The following UBIAD1 variants were observed in gnomAD, a reference collection of about 807,000 sequenced individuals.
UBIAD1 encodes the protein UbiA prenyltransferase domain containing 1, also known as ubiA prenyltransferase domain-containing protein 1.
Under a neutral mutation model 20.1 loss-of-function variants are expected in UBIAD1, and 12 were observed. That is an observed-to-expected ratio of 0.60 (90% CI 0.38 to 0.97). UBIAD1 has a LOEUF of 0.97. UBIAD1 is among the 50% of genes least tolerant of loss of function. The pLI, the probability that UBIAD1 is intolerant of heterozygous loss-of-function variation, is 0.00. For missense variants in UBIAD1, 333 were observed against 419.5 expected (o/e 0.79, Z 1.80); for synonymous variants, 207 against 189.2 (o/e 1.09, Z -0.77).
downstream of UBIAD1, among the ~76,000 whole-genome samples, chr1:11,298,445 T>C (rs907536933): frequency 6.6e-6 from 1 of 151,936 alleles, no homozygotes; most frequent in Non-Finnish European, 1.5e-5. The surrounding 1 kb of genome is among the most constrained non-coding windows in gnomAD (Gnocchi z 4.0). Flanking sequence ...GCACATATTG[T>C]AATCCCAGCT....
chr1:11,273,279 G>T lies in UBIAD1; in HGVS notation c.-253G>T, dbSNP rs985800262. ...AGAAGGCGGCCGCGGCTCAGCCGTG[G>T]GCTCTAACGCGGGGCTGGGGGCCGG... On this transcript the variant is annotated 5_prime_UTR_variant, in exon 1 of 2. Coordinates refer to ENST00000376810, the MANE Select transcript of UBIAD1 (RefSeq NM_013319.3). This position sits in a 1 kb window ranked among gnomAD's most constrained non-coding sequence, Gnocchi z 4.9. 1 of 552,396 alleles carries T rather than the reference G, an allele frequency of 1.8e-6. No individual in the cohort carries two copies. The highest frequency in any genetic ancestry group is 3.3e-6 in the Non-Finnish European group (1 of 307,396). The allele number at this position is 552,396 out of a possible 1,614,324, so 34.2% of individuals were successfully genotyped here.
downstream of UBIAD1, chr1:11,293,318 T>TG (rs1354116251): frequency 6.6e-6 from 1 of 152,248 alleles, no homozygotes; most frequent in African/African-American, 2.4e-5. Flanking sequence ...GGCTTAGAAT[T>TG]GCCTCCCATT....
Position 11,285,870 on chromosome 1 carries a change from C to T in UBIAD1, c.756C>T (p.Ile252=), listed in dbSNP as rs752925011. The T allele has an allele frequency of 7.4e-6, 12 of 1,614,098 alleles. No individual in the cohort carries two copies. The highest frequency in any genetic ancestry group is 2.2e-5 in the East Asian group (1 of 44,900). The part of the protein sequence containing the change: ...EAGIVTLAIL[I]GPTFSYILYN... Reference sequence around the variant, plus strand: ...GTATCGTCACGCTGGCCATCCTCATCGGCCCCACGTTCTCCTACATTCTCT... The same window carrying T: ...GTATCGTCACGCTGGCCATCCTCATTGGCCCCACGTTCTCCTACATTCTCT... The change falls in exon 2 of 2, where the codon ATC becomes ATT. Residue 252 remains isoleucine, a synonymous_variant. Coordinates refer to ENST00000376810, the MANE Select transcript of UBIAD1 (RefSeq NM_013319.3). This position sits in a 1 kb window ranked among gnomAD's most constrained non-coding sequence, Gnocchi z 4.4.
Position 11,285,896 on chromosome 1 carries a change from A to G in UBIAD1, c.782A>G (p.Tyr261Cys). ...LIGPTFSYILYNTLLFLPYLV... is the reference protein window; with the variant it reads ...LIGPTFSYILCNTLLFLPYLV... ...GGCCCCACGTTCTCCTACATTCTCT[A>G]CAACACACTGCTCTTCCTGCCCTAC... Residue 261 changes from tyrosine (Y) to cysteine (C), a missense_variant, in exon 2 of 2, where the codon TAC becomes TGC. Physicochemically the swap from Tyr to Cys is radical, Grantham distance 194. Transcript: ENST00000376810. The surrounding 1 kb of genome is among the most constrained non-coding windows in gnomAD (Gnocchi z 4.4). 1 of 1,614,042 alleles carries G rather than the reference A, an allele frequency of 6.2e-7. No individual in the cohort carries two copies.
At chr1:11,274,127 A>G in intron 1 of UBIAD1, 67 bp downstream of exon 1, 2 of 1,592,644 alleles carry the variant, frequency 1.3e-6, no homozygotes, top group Non-Finnish European at 1.7e-6. Flanking sequence ...CTGCTTTGTA[A>G]AGGAGTTATA....
downstream of UBIAD1, among the ~76,000 whole-genome samples, chr1:11,297,475 G>C (rs1174289258): frequency 1.3e-5 from 2 of 150,538 alleles, no homozygotes; most frequent in Non-Finnish European, 2.9e-5. Context: ...ATAGTAGCCT[G>C]AATGGCACTC....
downstream of UBIAD1, chr1:11,296,070 C>G (rs543684718): frequency 6.6e-6 from 1 of 152,340 alleles, no homozygotes; most frequent in Non-Finnish European, 1.5e-5. Context: ...CTATCTATGA[C>G]TAGATCTCCT....
chr1:11,293,721 G>C (rs1312424816), intron 1 of UBIAD1: 1 of 152,248 alleles, frequency 6.6e-6, no homozygotes, highest in Non-Finnish European at 1.5e-5. Context: ...TGTCACCCAG[G>C]CTGGAGTGCA....
chr1:11,279,685 G>C (rs1047033273), intron 1 of UBIAD1, among the ~76,000 whole-genome samples: 2 of 152,174 alleles, frequency 1.3e-5, no homozygotes, highest in Non-Finnish European at 2.9e-5. Flanking sequence ...CAAAGTGCTG[G>C]GATTACAGGC....
chr1:11,285,789 C>A lies in UBIAD1; in HGVS notation c.675C>A (p.Thr225=), dbSNP rs139434794. 4 of 1,614,112 alleles carry A rather than the reference C, an allele frequency of 2.5e-6. No individual in the cohort carries two copies. Among genetic ancestry groups the A allele is most frequent in the Non-Finnish European group, 2.5e-6 (3 of 1,180,046 alleles). ...LVYAIPLALS[T]EAILHSNNTR... ...ATGCCATCCCCCTCGCCCTCAGCAC[C>A]GAGGCCATTCTCCATTCCAACAACA... Residue 225 remains threonine, a synonymous_variant, in exon 2 of 2, where the codon ACC becomes ACA. Coordinates refer to ENST00000376810, the MANE Select transcript of UBIAD1 (RefSeq NM_013319.3). This position sits in a 1 kb window ranked among gnomAD's most constrained non-coding sequence, Gnocchi z 4.4.
chr1:11,291,107 A>G (rs541346115), downstream of UBIAD1, among the ~76,000 whole-genome samples: 17 of 152,350 alleles, frequency 1.1e-4, no homozygotes, highest in Admixed American at 9.8e-4. Context: ...TAGAATTAAC[A>G]GGAGAATTAG....
downstream of UBIAD1, among the ~76,000 whole-genome samples, chr1:11,292,420 G>A (rs1039611275): frequency 2.0e-5 from 3 of 152,130 alleles, no homozygotes; most frequent in African/African-American, 4.8e-5. Flanking sequence ...ATGATTCCTC[G>A]TCAGGAACAT....
rs143473064 is a variant in UBIAD1, at chr1:11,273,654, C to T, written c.123C>T (p.Ser41=). The T allele has an allele frequency of 2.5e-6, 4 of 1,614,060 alleles. No homozygotes were observed. Among genetic ancestry groups the T allele is most frequent in the Non-Finnish European group, 3.4e-6 (4 of 1,180,048 alleles). ...AGCAAGATAGGCTCCCCCAGCGCTC[C>T]TGGAGGCAGAAGTGTGCCTCCTACG... ...CPEQDRLPQR[S]WRQKCASYVL... Residue 41 remains serine (S), a synonymous_variant, in exon 1 of 2, where the codon TCC becomes TCT. Coordinates refer to ENST00000376810, the MANE Select transcript of UBIAD1 (RefSeq NM_013319.3). This position sits in a 1 kb window ranked among gnomAD's most constrained non-coding sequence, Gnocchi z 4.9.
Position 11,273,224 on chromosome 1 carries a change from G to A in UBIAD1, c.-308G>A. ...TTTCCGGGCGGGCCTCCAGAGGCCG[G>A]CGCACAAGATGGCGGCTCTGGCGGC... is the stretch of plus-strand genomic sequence containing the variant. On this transcript the variant is annotated 5_prime_UTR_variant, in exon 1 of 2. Coordinates refer to ENST00000376810, the MANE Select transcript of UBIAD1 (RefSeq NM_013319.3). This position sits in a 1 kb window ranked among gnomAD's most constrained non-coding sequence, Gnocchi z 4.9. 1 of 382,590 alleles carries A rather than the reference G, an allele frequency of 2.6e-6. No homozygotes were observed. The highest frequency in any genetic ancestry group is 4.8e-6 in the Non-Finnish European group (1 of 206,326). 23.7% of individuals were successfully genotyped at this position (382,590 alleles called of 1,614,324 possible).
chr1:11,274,454 A>C (rs1341988532), intron 1 of UBIAD1, among the ~76,000 whole-genome samples: 1 of 151,770 alleles, frequency 6.6e-6, no homozygotes, highest in African/African-American at 2.4e-5. Context: ...GCACGCCACC[A>C]CGCCTGGCTG....
Position 11,285,969 on chromosome 1 carries a change from C to G in UBIAD1, c.855C>G (p.Leu285=), listed in dbSNP as rs777669925. 1.2e-5 allele frequency: 20 copies of G among 1,614,100 alleles called. No individual in the cohort carries two copies. The South Asian group carries it at 2.0e-4, about 16-fold the overall frequency. ...CACACTGCACCATCAGCCTGGCACT[C>G]CCCCTGCTTACCATTCCCATGGCCT... The part of the protein sequence containing the change: ...LATHCTISLA[L]PLLTIPMAFS... Residue 285 remains leucine (L), a synonymous_variant, in exon 2 of 2, where the codon CTC becomes CTG. Transcript: ENST00000376810. This position sits in a 1 kb window ranked among gnomAD's most constrained non-coding sequence, Gnocchi z 4.4.
chr1:11,289,765 C>G (rs2101026280), downstream of UBIAD1, among the ~76,000 whole-genome samples: 1 of 151,498 alleles, frequency 6.6e-6, no homozygotes, highest in South Asian at 2.1e-4. Flanking sequence ...ATATCTCACT[C>G]TGTCGCACGG....
Position 11,278,506 on chromosome 1 carries a change from A to G in UBIAD1, c.529+4446A>G, listed in dbSNP as rs1479667508. On this transcript the variant is annotated intron_variant, in intron 1 of 1. Coordinates refer to ENST00000376810, the MANE Select transcript of UBIAD1 (RefSeq NM_013319.3). ...TGTCCAGGTCATGTTTACCAGCCGG[A>G]GTTCTTTTATTTAACGTGTGGGTAT... is the stretch of plus-strand genomic sequence containing the variant. 1.6e-5 allele frequency: 8 copies of G among 495,978 alleles called. No homozygotes were observed. The East Asian group carries it at 3.0e-4, about 18-fold the overall frequency. The allele number at this position is 495,978 out of a possible 1,614,324, so 30.7% of individuals were successfully genotyped here. A position where few individuals can be genotyped will look rare whatever the true frequency, so the allele number is the denominator to read the frequency against.
intron 1 of UBIAD1, among the ~76,000 whole-genome samples, chr1:11,293,974 C>T (rs778892854): frequency 1.1e-4 from 16 of 152,170 alleles, no homozygotes; most frequent in Non-Finnish European, 2.1e-4. Context: ...TGCCTGGCCC[C>T]ATGGCAGTAC....
Sources: allele counts gnomAD v4.1 joint callset (sites outside exome capture counted in the v4.1 genomes callset), GRCh38; gene constraint gnomAD v4.1.1; non-coding constraint Gnocchi (gnomAD v3.1); transcripts MANE v1.5; gene names NCBI Gene and HGNC (gene_info 2026-07-23, HGNC 2026-07-21).